The following KL variants were observed in gnomAD, a reference collection of about 807,000 sequenced individuals.
KL encodes klotho, also known as alpha-klotho.
KL carries 62 observed loss-of-function variants against 84.2 expected under a neutral mutation model. The observed-to-expected ratio is 0.74, with a 90% CI of 0.60 to 0.91. The LOEUF is 0.91. KL is among the 40% of genes least tolerant of loss of function. The pLI, the probability that KL is intolerant of heterozygous loss-of-function variation, is 0.00. For missense variants in KL, 1,261 were observed against 1,305.7 expected (o/e 0.97, Z 0.53); for synonymous variants, 528 against 528.0 (o/e 1.00, Z 0.00).
chr13:33,047,647 G>A (rs904296071), intron 1 of KL, among the ~76,000 whole-genome samples: 1 of 152,162 alleles, frequency 6.6e-6, no homozygotes, highest in Non-Finnish European at 1.5e-5. Context: ...TGCTTTCATA[G>A]CATCTGTCTT....
Position 33,064,592 on chromosome 13 carries a change from A to T in KL, c.*406A>T, listed in dbSNP as rs1296598749. ...ATTGCAAGAGTTCGAATAGAAAGTT[A>T]TGTACCAAGTAACCATTTCTCAGCT... On this transcript the variant is annotated 3_prime_UTR_variant, in exon 5 of 5. Transcript: ENST00000380099. 5 of 266,780 alleles carry T rather than the reference A, an allele frequency of 1.9e-5. No homozygotes were observed. Among genetic ancestry groups the T allele is most frequent in the Admixed American group, 9.8e-5 (2 of 20,444 alleles). 16.5% of individuals were successfully genotyped at this position (266,780 alleles called of 1,614,324 possible). A position where few individuals can be genotyped will look rare whatever the true frequency, so the allele number is the denominator to read the frequency against.
rs556137317 is a variant in KL at position 33,061,906 on chromosome 13, C to T, written c.2701+126C>T. ...ATGGAGGGCTATCCATTTTGTGCCTCACTGAAACAGTCCAAGAGATATCTA... is the reference window on the plus strand; with the variant it reads ...ATGGAGGGCTATCCATTTTGTGCCTTACTGAAACAGTCCAAGAGATATCTA... On this transcript the variant is annotated intron_variant, in intron 4 of 4. Transcript: ENST00000380099. The T allele has an allele frequency of 9.6e-4, 928 of 968,960 alleles. 2 individuals are homozygous for T. Among genetic ancestry groups the T allele is most frequent in the Non-Finnish European group, 1.4e-3 (887 of 616,048 alleles). The allele number at this position is 968,960 out of a possible 1,614,324, so 60.0% of individuals were successfully genotyped here.
intron 1 of KL, among the ~76,000 whole-genome samples, chr13:33,046,054 G>A (rs961380975): frequency 1.6e-4 from 25 of 152,190 alleles, no homozygotes; most frequent in Admixed American, 1.2e-3. Flanking sequence ...GTTAGTATTT[G>A]GTTGCATTCT....
chr13:33,044,041 A>C (rs2138218340), intron 1 of KL, among the ~76,000 whole-genome samples: 1 of 152,194 alleles, frequency 6.6e-6, no homozygotes, highest in South Asian at 2.1e-4. Flanking sequence ...TTGGGGTTTA[A>C]TTTTTTCATA....
chr13:33,016,249 C>T (rs1393004189), upstream of KL: 1 of 151,868 alleles, frequency 6.6e-6, no homozygotes, highest in Non-Finnish European at 1.5e-5. Context: ...CTCCCGGGCA[C>T]CCCTCGCCCT....
rs780297310 is a variant in KL at position 33,016,753 on chromosome 13, C to G, written c.313C>G (p.Arg105Gly). ...HHPLAPPGDS[R>G]NASLPLGAPS... is the part of the protein sequence containing the mutation. Reference sequence around the variant, plus strand: ...CCCCCTGGCACCCCCGGGAGACTCCCGGAACGCCAGTCTGCCGTTGGGCGC... The same window carrying G: ...CCCCCTGGCACCCCCGGGAGACTCCGGGAACGCCAGTCTGCCGTTGGGCGC... The change falls in exon 1 of 5, where the codon CGG (arginine) becomes GGG (glycine). Residue 105 changes from arginine (R) to glycine (G), a missense_variant. Arg to Gly is a moderately radical substitution (Grantham distance 125). Transcript: ENST00000380099. 6.2e-7 allele frequency: 1 copy of G among 1,611,726 alleles called. No homozygotes were observed. The highest frequency in any genetic ancestry group is 2.2e-5 in the East Asian group (1 of 44,800).
intron 1 of KL, among the ~76,000 whole-genome samples, chr13:33,021,877 TC>T (rs1870589324): frequency 6.6e-6 from 1 of 152,128 alleles, no homozygotes; most frequent in Admixed American, 6.5e-5. Flanking sequence ...AGAGCGAAAC[TC>T]CATCTCAAAA....
intron 1 of KL, among the ~76,000 whole-genome samples, chr13:33,036,043 A>C (rs1018132048): frequency 1.1e-4 from 17 of 152,148 alleles, no homozygotes; most frequent in African/African-American, 4.1e-4. Flanking sequence ...AAAACTCCAA[A>C]ATTACAACAT....
intron 1 of KL, among the ~76,000 whole-genome samples, chr13:33,041,190 A>G (rs911020011): frequency 6.6e-5 from 10 of 152,056 alleles, no homozygotes; most frequent in East Asian, 1.9e-4. Context: ...CAATCACTCT[A>G]TGTACTGGGA....
intron 1 of KL, among the ~76,000 whole-genome samples, chr13:33,019,383 G>T (rs962846749): frequency 7.2e-5 from 11 of 151,976 alleles, no homozygotes; most frequent in Admixed American, 3.9e-4. Flanking sequence ...TGATAAAAGG[G>T]CATTTTAGCT....
Position 33,046,290 on chromosome 13 carries a change from G to GT in KL, c.820-7472dup, listed in dbSNP as rs543106004. On this transcript the variant is annotated intron_variant, in intron 1 of 4. Transcript: ENST00000380099. ...GTCCTGGGCTTTTCTTAGTTTGAAAGTTTTTGATTACTAATTCAATCTCTT... is the reference window on the plus strand; with the variant it reads ...GTCCTGGGCTTTTCTTAGTTTGAAAGTTTTTTGATTACTAATTCAATCTCTT... 3.3e-3 allele frequency among the ~76,000 whole-genome samples: 504 copies of GT among 152,144 alleles called. 1 individual carries two copies. The highest frequency in any genetic ancestry group is 0.01 in the Middle Eastern group (3 of 294).
At chr13:33,047,149 T>A (rs1045837736) in intron 1 of KL, among the ~76,000 whole-genome samples, 6 of 152,292 alleles carry the variant, frequency 3.9e-5, no homozygotes, top group African/African-American at 1.4e-4. Context: ...GTTCTATTAA[T>A]ATATATGTCT....
At chr13:33,044,678 G>T in intron 1 of KL, among the ~76,000 whole-genome samples, 1 of 89,572 alleles carries the variant, frequency 1.1e-5, no homozygotes. Context: ...TGAGACAGAG[G>T]CTTACTTTGT....
rs758180115 is a variant in KL, at chr13:33,016,744, G to C, written c.304G>C (p.Gly102Arg). 1.2e-6 allele frequency: 2 copies of C among 1,611,640 alleles called. No individual in the cohort carries two copies. Among genetic ancestry groups the C allele is most frequent in the Admixed American group, 3.3e-5 (2 of 59,936 alleles). Residue 102 changes from glycine to arginine, a missense_variant, in exon 1 of 5, where the codon GGA (glycine) becomes CGA (arginine). Transcript: ENST00000380099. ...CACCCACCACCCCCTGGCACCCCCG[G>C]GAGACTCCCGGAACGCCAGTCTGCC... is the stretch of plus-strand genomic sequence containing the variant. ...TFTHHPLAPPGDSRNASLPLG... is the reference protein window; with the variant it reads ...TFTHHPLAPPRDSRNASLPLG...
Position 33,064,171 on chromosome 13 carries a change from A to T in KL, c.3024A>T (p.Arg1008Ser). 6.2e-7 allele frequency: 1 copy of T among 1,602,050 alleles called. No homozygotes were observed. Residue 1008 changes from arginine to serine, a missense_variant, in exon 5 of 5, where the codon AGA becomes AGT. Arg to Ser is a moderately radical substitution (Grantham distance 110). Coordinates refer to ENST00000380099, the MANE Select transcript of KL (RefSeq NM_004795.4). ...TATTTTACTACTCGAAGAAAGGCAG[A>T]AGAAGTTACAAATAGTTCTGAACAT... ...SLIFYYSKKGRRSYK is the reference protein window; with the variant it reads ...SLIFYYSKKGSRSYK
Position 33,060,851 on chromosome 13 carries a change from C to A in KL, c.1772C>A (p.Thr591Lys), listed in dbSNP as rs761895359. 6.2e-7 allele frequency: 1 copy of A among 1,614,214 alleles called. No individual in the cohort carries two copies. Among genetic ancestry groups the A allele is most frequent in the Non-Finnish European group, 8.5e-7 (1 of 1,180,032 alleles). The change falls in exon 4 of 5, where the codon ACA (threonine) becomes AAA (lysine). Residue 591 changes from threonine to lysine, a missense_variant. Thr to Lys is a moderately conservative substitution (Grantham distance 78). Coordinates refer to ENST00000380099, the MANE Select transcript of KL (RefSeq NM_004795.4). ...GCTTTACTCCAGGAAATGCACGTTA[C>A]ACATTTTCGCTTCTCCCTGGACTGG... ...QIALLQEMHV[T>K]HFRFSLDWAL...
In KL at chr13:33,055,236, C is replaced by G; in HGVS notation, c.1520C>G (p.Pro507Arg). 6.2e-7 allele frequency: 1 copy of G among 1,614,202 alleles called. No homozygotes were observed. Among genetic ancestry groups the G allele is most frequent in the Non-Finnish European group, 8.5e-7 (1 of 1,180,038 alleles). The change falls in exon 3 of 5, where the codon CCT (proline) becomes CGT (arginine). Residue 507 changes from proline (P) to arginine (R), a missense_variant. Transcript: ENST00000380099. ...YQKLIEKNGF[P>R]PLPENQPLEG... is the part of the protein sequence containing the mutation. ...AAGCTGATAGAGAAAAATGGCTTCC[C>G]TCCTTTACCTGAAAATCAGCCCCTA...
rs374442777 is a variant in KL, at chr13:33,054,064, C to A, written c.1117C>A (p.Pro373Thr). Residue 373 changes from proline (P) to threonine (T), a missense_variant, in exon 2 of 5, where the codon CCC becomes ACC. By Grantham distance (38) the Pro-to-Thr change is conservative. Transcript: ENST00000380099. ...TADFFALCFG[P>T]TLSFQLLDPH... ...TGACTTTTTTGCTCTTTGCTTTGGA[C>A]CCACCTTGAGTTTTCAACTTTTGGA... 6 of 1,613,478 alleles carry A rather than the reference C, an allele frequency of 3.7e-6. No homozygotes were observed. The African/African-American group carries it at 4.0e-5, about 11-fold the overall frequency.
intron 3 of KL, among the ~76,000 whole-genome samples, chr13:33,057,284 G>T (rs979974027): frequency 6.6e-6 from 1 of 152,144 alleles, no homozygotes; most frequent in Admixed American, 6.5e-5. Flanking sequence ...GAACAAGAGT[G>T]GGGGTGTCGG....
Sources: gnomAD v4.1 joint callset for allele counts (sites outside exome capture counted in the v4.1 genomes callset) on GRCh38, gnomAD v4.1.1 for gene constraint, MANE v1.5 for transcripts, NCBI Gene and HGNC (gene_info 2026-07-23, HGNC 2026-07-21) for gene names.